Variants in SLC39A10 observed in about 807,000 individuals in gnomAD.
SLC39A10 encodes zinc transporter ZIP10.
A neutral mutation model predicts 65.1 loss-of-function variants in SLC39A10; 13 were observed. The ratio of observed to expected loss-of-function variants is 0.20; its 90% CI spans 0.13 to 0.32. The LOEUF (loss-of-function observed/expected upper bound fraction) is 0.32. SLC39A10 is among the 10% of genes least tolerant of loss of function. SLC39A10 has a pLI of 1.00. For synonymous variants in SLC39A10, 321 were observed against 342.2 expected, an observed-to-expected ratio of 0.94 and a Z score of 0.68; for missense variants, 831 against 1,018.4, an observed-to-expected ratio of 0.82 and a Z score of 2.50.
At chr2:195,664,165 T>C (rs1009576932) in intron 1 of SLC39A10, among the ~76,000 whole-genome samples, 7 of 152,214 alleles carry the variant, frequency 4.6e-5, no homozygotes, top group East Asian at 1.9e-4. Context: ...TCATGGAATA[T>C]ATAATTTCTA....
At position 195,734,986 on chromosome 2, in the gene SLC39A10, T is replaced by C. The variant is rs779300326; in HGVS notation, c.2441T>C (p.Ile814Thr). The C allele has an allele frequency of 6.2e-7, 1 of 1,613,988 alleles. No homozygotes were observed. Among genetic ancestry groups the C allele is most frequent in the Non-Finnish European group, 8.5e-7 (1 of 1,179,946 alleles). The part of the protein sequence containing the change: ...QNLGLLFGFA[I>T]MLVIALYEDK... ...TTAGGATTGCTCTTTGGATTTGCCA[T>C]TATGCTGGTGATTGCCCTCTATGAA... The change falls in exon 10 of 10, where the codon ATT becomes ACT. Residue 814 changes from isoleucine to threonine, a missense_variant. Physicochemically the swap from Ile to Thr is moderately conservative, Grantham distance 89. Around this residue, in one of 4 missense-constraint regions of SLC39A10, gnomAD observed 120 missense variants for 203.9 expected, o/e 0.59. Coordinates refer to ENST00000359634, the MANE Select transcript of SLC39A10 (RefSeq NM_020342.3).
At chr2:195,621,216 A>G (rs1688341946) in intron 2 of SLC39A10, among the ~76,000 whole-genome samples, 1 of 152,236 alleles carries the variant, frequency 6.6e-6, no homozygotes, top group Admixed American at 6.5e-5. Flanking sequence ...AGTGAATTAT[A>G]TGAATTGTTG....
intron 2 of SLC39A10, among the ~76,000 whole-genome samples, chr2:195,621,181 C>G (rs988212574): frequency 6.6e-6 from 1 of 152,134 alleles, no homozygotes; most frequent in Admixed American, 6.6e-5. Context: ...GCAGGATGAT[C>G]AATGATGGTG....
chr2:195,703,809 A>G (rs1691290311), intron 3 of SLC39A10, among the ~76,000 whole-genome samples: 1 of 152,022 alleles, frequency 6.6e-6, no homozygotes, highest in South Asian at 2.1e-4. Context: ...ACATGCCACC[A>G]CGCCCGGCTA....
intron 2 of SLC39A10, among the ~76,000 whole-genome samples, chr2:195,645,084 T>G (rs943635547): frequency 1.3e-4 from 20 of 151,982 alleles, no homozygotes; most frequent in Admixed American, 6.6e-5. Context: ...TAATTTTGTA[T>G]TTTTAGTAGA....
chr2:195,687,477 A>G (rs1690572308), intron 3 of SLC39A10, among the ~76,000 whole-genome samples: 1 of 152,326 alleles, frequency 6.6e-6, no homozygotes, highest in South Asian at 2.1e-4. Flanking sequence ...CAATACTGAA[A>G]GTTACAGCTT....
intron 2 of SLC39A10, among the ~76,000 whole-genome samples, chr2:195,632,702 AC>A (rs1332313316): frequency 6.6e-6 from 1 of 152,096 alleles, no homozygotes; most frequent in Non-Finnish European, 1.5e-5. Context: ...ACCCATTTCT[AC>A]CCATGAAGTT....
intron 9 of SLC39A10, among the ~76,000 whole-genome samples, chr2:195,733,048 A>G (rs1692477327): frequency 6.6e-6 from 1 of 152,204 alleles, no homozygotes; most frequent in Non-Finnish European, 1.5e-5. Flanking sequence ...TATGACCTTT[A>G]AGAGATTGCT....
chr2:195,618,522 T>C (rs1457920750), intron 2 of SLC39A10, among the ~76,000 whole-genome samples: 1 of 152,242 alleles, frequency 6.6e-6, no homozygotes, highest in Non-Finnish European at 1.5e-5. Flanking sequence ...GGATAGCTAA[T>C]ATTTTACATA....
chr2:195,629,280 G>T (rs982795133), intron 2 of SLC39A10, among the ~76,000 whole-genome samples: 1 of 151,560 alleles, frequency 6.6e-6, no homozygotes, highest in Non-Finnish European at 1.5e-5. Context: ...TGTAGTCCCA[G>T]CTACTCAGGA....
chr2:195,708,728 A>G lies in SLC39A10; in HGVS notation c.1459A>G (p.Lys487Glu). 6.2e-7 allele frequency: 1 copy of G among 1,613,128 alleles called. No homozygotes were observed. The highest frequency in any genetic ancestry group is 1.1e-5 in the South Asian group (1 of 90,808). Residue 487 changes from lysine to glutamate, a missense_variant, in exon 5 of 10, where the codon AAG (lysine) becomes GAG (glutamate). Coordinates refer to ENST00000359634, the MANE Select transcript of SLC39A10 (RefSeq NM_020342.3). ...ACATTCTCATGGACATGAATCTAACAAGTTTTTGGAAGAATATGATGCTGT... is the reference window on the plus strand; with the variant it reads ...ACATTCTCATGGACATGAATCTAACGAGTTTTTGGAAGAATATGATGCTGT... ...HGHSHGHESNKFLEEYDAVLK... is the reference protein window; with the variant it reads ...HGHSHGHESNEFLEEYDAVLK...
At chr2:195,615,288 T>C (rs1479717539) in intron 2 of SLC39A10, among the ~76,000 whole-genome samples, 2 of 152,164 alleles carry the variant, frequency 1.3e-5, no homozygotes, top group Non-Finnish European at 2.9e-5. Flanking sequence ...AATCTCCAGG[T>C]AATGAAGATG....
chr2:195,644,129 T>G (rs1030858138), intron 2 of SLC39A10, among the ~76,000 whole-genome samples: 4 of 144,948 alleles, frequency 2.8e-5, no homozygotes, highest in African/African-American at 1.0e-4. Context: ...TTTAATTAGG[T>G]TAAATGTACA....
chr2:195,674,352 A>G (rs1689994752), intron 1 of SLC39A10, among the ~76,000 whole-genome samples: 2 of 152,032 alleles, frequency 1.3e-5, no homozygotes, highest in African/African-American at 4.8e-5. Flanking sequence ...ATCTCGGCTC[A>G]CTGCAACCTC....
intron 9 of SLC39A10, among the ~76,000 whole-genome samples, chr2:195,732,985 C>T (rs957558326): frequency 6.6e-6 from 1 of 152,146 alleles, no homozygotes; most frequent in Non-Finnish European, 1.5e-5. Context: ...TATTATATAC[C>T]ATTACCATAG....
At chr2:195,615,671 C>T (rs1424773696) in intron 2 of SLC39A10, among the ~76,000 whole-genome samples, 1 of 152,158 alleles carries the variant, frequency 6.6e-6, no homozygotes, top group Non-Finnish European at 1.5e-5. Context: ...CACTTACAGA[C>T]ATTACTTGCC....
intron 3 of SLC39A10, among the ~76,000 whole-genome samples, chr2:195,697,938 A>G (rs1025397817): frequency 6.6e-6 from 1 of 152,124 alleles, no homozygotes; most frequent in Non-Finnish European, 1.5e-5. Context: ...TCCTTGGTTA[A>G]GTTAATTGCT....
chr2:195,632,220 A>G (rs1688598436), intron 2 of SLC39A10, among the ~76,000 whole-genome samples: 1 of 147,330 alleles, frequency 6.8e-6, no homozygotes, highest in South Asian at 2.2e-4. Flanking sequence ...TGTTATTCTT[A>G]TCAAAGCTTT....
At chr2:195,630,481 A>C (rs1688564351) in intron 2 of SLC39A10, among the ~76,000 whole-genome samples, 1 of 152,158 alleles carries the variant, frequency 6.6e-6, no homozygotes, top group Non-Finnish European at 1.5e-5. Context: ...GCTTCAGGAC[A>C]TCAGCACTCC....
Sources: allele counts gnomAD v4.1 joint callset (sites outside exome capture counted in the v4.1 genomes callset), GRCh38; gene constraint gnomAD v4.1.1; regional missense constraint gnomAD v4.1.1; transcripts MANE v1.5; gene names NCBI Gene and HGNC (gene_info 2026-07-23, HGNC 2026-07-21).